OTUD7A: variants seen among roughly 807,000 people sequenced by gnomAD.
OTUD7A encodes the protein OTU domain-containing protein 7A.
Under a neutral mutation model 65.7 loss-of-function variants are expected in OTUD7A, and 12 were observed. The observed-to-expected ratio is 0.18, with a 90% CI of 0.12 to 0.30. OTUD7A has a LOEUF of 0.30. OTUD7A is among the 10% of genes least tolerant of loss of function. The probability of loss-of-function intolerance (pLI) is 1.00; values close to 1 mark genes in which losing one functional copy is unlikely to be tolerated. For synonymous variants in OTUD7A, 641 were observed against 586.3 expected (o/e 1.09, Z -1.35); for missense variants, 1,148 against 1,304.8 (o/e 0.88, Z 1.85).
chr15:31,589,097 G>A (rs1332584385), intron 3 of OTUD7A, among the ~76,000 whole-genome samples: 3 of 152,120 alleles, frequency 2.0e-5, no homozygotes, highest in Non-Finnish European at 4.4e-5. Flanking sequence ...ACAGCTAGTT[G>A]CTTCTACCTC....
At chr15:31,561,661 C>T (rs1025669929) in intron 4 of OTUD7A, among the ~76,000 whole-genome samples, 1 of 152,018 alleles carries the variant, frequency 6.6e-6, no homozygotes, top group Non-Finnish European at 1.5e-5. Flanking sequence ...TATTTTTGAA[C>T]TAAAAATATT....
chr15:31,597,642 T>A (rs1461430834), intron 3 of OTUD7A, among the ~76,000 whole-genome samples: 1 of 152,168 alleles, frequency 6.6e-6, no homozygotes. Flanking sequence ...TAGCTGGAAG[T>A]CAGGGCCTGC....
intron 1 of OTUD7A, among the ~76,000 whole-genome samples, chr15:31,727,116 G>C (rs1203558958): frequency 6.6e-6 from 1 of 152,158 alleles, no homozygotes; most frequent in Admixed American, 6.6e-5. Flanking sequence ...TCCCCTACCA[G>C]GTCTCAAATC....
chr15:31,510,079 CCT>C (rs760649725), intron 8 of OTUD7A, among the ~76,000 whole-genome samples: 40 of 150,392 alleles, frequency 2.7e-4, no homozygotes, highest in South Asian at 1.0e-3. Context: ...GTCTGTTTCC[CCT>C]GTTTTTTTTT....
At chr15:31,855,425 T>C (rs930777351) in intron 1 of OTUD7A, among the ~76,000 whole-genome samples, 4 of 152,120 alleles carry the variant, frequency 2.6e-5, no homozygotes, top group Admixed American at 2.0e-4. Flanking sequence ...CCATGAGCCA[T>C]GTGAGAAGAG....
At chr15:31,485,310 C>T (rs533900877) in intron 12 of OTUD7A, among the ~76,000 whole-genome samples, 2 of 152,360 alleles carry the variant, frequency 1.3e-5, no homozygotes, top group African/African-American at 4.8e-5. Flanking sequence ...CAACCTCATT[C>T]ATCGGATCTT....
At chr15:31,547,727 T>G (rs1314852182) in intron 5 of OTUD7A, among the ~76,000 whole-genome samples, 1 of 151,900 alleles carries the variant, frequency 6.6e-6, no homozygotes, top group African/African-American at 2.4e-5. Context: ...TAAAGAAAAA[T>G]AGAGGCCCCA....
chr15:31,652,013 AAAAAG>A (rs1891854871), intron 3 of OTUD7A, among the ~76,000 whole-genome samples: 1 of 151,920 alleles, frequency 6.6e-6, no homozygotes, highest in African/African-American at 2.4e-5. Context: ...AAAAAAAAAA[AAAAAG>A]AATAGCTGAA....
intron 1 of OTUD7A, among the ~76,000 whole-genome samples, chr15:31,859,582 TAAG>T (rs901941308): frequency 5.3e-5 from 8 of 152,196 alleles, no homozygotes; most frequent in African/African-American, 1.9e-4. Flanking sequence ...GGATAATATA[TAAG>T]AAGAGAAGAG....
At chr15:31,848,190 A>AGGAAAGGCAG (rs966011516) in intron 1 of OTUD7A, among the ~76,000 whole-genome samples, 6 of 152,218 alleles carry the variant, frequency 3.9e-5, no homozygotes, top group Admixed American at 6.5e-5. Context: ...GTGCTGAGCA[A>AGGAAAGGCAG]GGAAAGGCAG....
intron 1 of OTUD7A, among the ~76,000 whole-genome samples, chr15:31,693,326 T>G (rs187250025): frequency 5.5e-4 from 84 of 152,362 alleles, no homozygotes; most frequent in African/African-American, 2.0e-3. Context: ...GCTGAAGTGC[T>G]TCTCGAAATG....
intron 1 of OTUD7A, among the ~76,000 whole-genome samples, chr15:31,806,140 T>A (rs1390495505): frequency 6.6e-6 from 1 of 152,220 alleles, no homozygotes; most frequent in Non-Finnish European, 1.5e-5. Context: ...TGGAAGTTTA[T>A]TCAGTCCAGA....
intron 1 of OTUD7A, among the ~76,000 whole-genome samples, chr15:31,698,488 G>T (rs1410479898): frequency 6.6e-6 from 1 of 152,208 alleles, no homozygotes; most frequent in East Asian, 1.9e-4. Context: ...TGTTAAAAAT[G>T]CAAGTTCCCA....
At chr15:31,533,289 T>C (rs1403458473) in intron 5 of OTUD7A, among the ~76,000 whole-genome samples, 1 of 148,282 alleles carries the variant, frequency 6.7e-6, no homozygotes, top group Non-Finnish European at 1.5e-5. Flanking sequence ...CAGGCTGGAG[T>C]GCAGTGGTGC....
chr15:31,803,848 T>C (rs1490498903), intron 1 of OTUD7A, among the ~76,000 whole-genome samples: 2 of 152,276 alleles, frequency 1.3e-5, no homozygotes, highest in Middle Eastern at 3.4e-3. Flanking sequence ...CACCCACAAG[T>C]GCATCTTTCA....
intron 12 of OTUD7A, among the ~76,000 whole-genome samples, chr15:31,486,530 C>T (rs1409882698): frequency 6.6e-6 from 1 of 152,258 alleles, no homozygotes; most frequent in Non-Finnish European, 1.5e-5. Context: ...TGGCAGTTCA[C>T]TACTGAGATT....
At chr15:31,562,459 T>G (rs1300319778) in intron 4 of OTUD7A, among the ~76,000 whole-genome samples, 1 of 152,172 alleles carries the variant, frequency 6.6e-6, no homozygotes, top group Non-Finnish European at 1.5e-5. Flanking sequence ...CTGCTCCCCC[T>G]GCCCTGCCTT....
intron 8 of OTUD7A, among the ~76,000 whole-genome samples, chr15:31,507,641 CGGG>C (rs986075335): frequency 8.2e-5 from 1 of 12,184 alleles, no homozygotes; most frequent in Non-Finnish European, 1.7e-4. Context: ...GGCTGGGGGG[CGGG>C]GGTGGCAAGC....
chr15:31,550,215 AT>A (rs1026300643), intron 5 of OTUD7A, among the ~76,000 whole-genome samples: 5 of 151,960 alleles, frequency 3.3e-5, no homozygotes, highest in Admixed American at 6.5e-5. Context: ...ATGTATTTCA[AT>A]GTTTTAGCCC....
Sources: allele counts gnomAD v4.1 joint callset (sites outside exome capture counted in the v4.1 genomes callset), GRCh38; gene constraint gnomAD v4.1.1; transcripts MANE v1.5; gene names NCBI Gene and HGNC (gene_info 2026-07-23, HGNC 2026-07-21).